Variants in KCNN2 observed in about 807,000 individuals in gnomAD.
The protein encoded by KCNN2 is potassium calcium-activated channel subfamily N member 2.
In KCNN2, 24 loss-of-function variants were observed where a neutral mutation model predicts 55.5. The ratio of observed to expected loss-of-function variants is 0.43; its 90% confidence interval spans 0.31 to 0.61. The LOEUF (loss-of-function observed/expected upper bound fraction) is 0.61. KCNN2 is among the 20% of genes least tolerant of loss of function. KCNN2 has a pLI of 0.08. For missense variants in KCNN2, 754 were observed against 853.6 expected (o/e 0.88, Z 1.45); for synonymous variants, 431 against 336.1 (o/e 1.28, Z -3.09).
At chr5:114,494,260 T>C (rs534403138) in intron 7 of KCNN2, among the ~76,000 whole-genome samples, 1 of 3,114 alleles carries the variant, frequency 3.2e-4, no homozygotes, top group African/African-American at 3.3e-4. Flanking sequence ...TTACAAACTG[T>C]TTTTTTTTGT....
chr5:114,228,226 T>C (rs944506648), intron 2 of KCNN2, among the ~76,000 whole-genome samples: 6 of 152,124 alleles, frequency 3.9e-5, no homozygotes, highest in African/African-American at 1.4e-4. Context: ...AAGTAGTAAA[T>C]ATAGACTCCC....
intron 1 of KCNN2, among the ~76,000 whole-genome samples, chr5:114,127,813 T>TA (rs1751970319): frequency 6.6e-6 from 1 of 152,210 alleles, no homozygotes; most frequent in South Asian, 2.1e-4. Flanking sequence ...TTCCACCAGA[T>TA]ACTCTAAATC....
rs565262285 is a variant in KCNN2, at chr5:114,173,285, CTATG to C, written c.-270-48193_-270-48190del. ...GGGTTCTCTATTCGGTTCCATTGAT[CTATG>C]TGTCTGTTTTTATGACAGTGCCATG... On this transcript the variant is annotated intron_variant, in intron 1 of 10. Coordinates refer to the KCNN2 transcript ENST00000512097. Among the ~76,000 whole-genome samples, 6 of 152,104 alleles carry C rather than the reference CTATG, an allele frequency of 3.9e-5. No individual in the cohort carries two copies. The Middle Eastern group carries it at 0.01, about 259-fold the overall frequency.
At chr5:114,209,460 G>A (rs1580620976) in intron 1 of KCNN2, among the ~76,000 whole-genome samples, 2 of 152,014 alleles carry the variant, frequency 1.3e-5, no homozygotes, top group South Asian at 4.2e-4. Flanking sequence ...CTTTCTCCAG[G>A]AAAATAAAAT....
chr5:114,272,318 ATATG>A (rs1239597443), intron 2 of KCNN2, among the ~76,000 whole-genome samples: 4 of 150,300 alleles, frequency 2.7e-5, no homozygotes, highest in Non-Finnish European at 5.9e-5. Context: ...ACACACACAT[ATATG>A]TATGTACATA....
At chr5:114,158,571 T>G (rs1339705936) in intron 1 of KCNN2, among the ~76,000 whole-genome samples, 1 of 152,022 alleles carries the variant, frequency 6.6e-6, no homozygotes, top group African/African-American at 2.4e-5. Context: ...GGGATGGCAT[T>G]GAATCTATAA....
At chr5:114,324,116 G>A (rs574755481) in intron 2 of KCNN2, among the ~76,000 whole-genome samples, 2 of 152,212 alleles carry the variant, frequency 1.3e-5, no homozygotes, top group South Asian at 2.1e-4. Flanking sequence ...TTGTTAATTT[G>A]ACCATTTTTT....
At position 114,295,825 on chromosome 5, in the gene KCNN2, C is replaced by T. The variant is rs559910429; in HGVS notation, c.-184-65120C>T. On this transcript the variant is annotated intron_variant, in intron 2 of 10. Coordinates refer to the KCNN2 transcript ENST00000512097. ...CTGGGAGCTGTAGACTGGAGCTGTT[C>T]CTATTTGGCCATCTTGGCTCCACCA... 2.3e-3 allele frequency among the ~76,000 whole-genome samples: 349 copies of T among 152,242 alleles called. 1 individual carries two copies. The highest frequency in any genetic ancestry group is 7.9e-3 in the African/African-American group (329 of 41,528).
intron 2 of KCNN2, among the ~76,000 whole-genome samples, chr5:114,370,602 CAT>C (rs1757734689): frequency 6.6e-6 from 1 of 151,942 alleles, no homozygotes; most frequent in South Asian, 2.1e-4. Context: ...TAAACTGAGA[CAT>C]AAAGGGAAAG....
At chr5:114,137,000 C>A (rs1354357643) in intron 1 of KCNN2, among the ~76,000 whole-genome samples, 1 of 152,188 alleles carries the variant, frequency 6.6e-6, no homozygotes, top group African/African-American at 2.4e-5. Flanking sequence ...CCACATTTAA[C>A]CACCATATTG....
intron 3 of KCNN2, among the ~76,000 whole-genome samples, chr5:114,409,457 A>C (rs1173183530): frequency 6.6e-6 from 1 of 152,188 alleles, no homozygotes; most frequent in Non-Finnish European, 1.5e-5. Context: ...ACAATACTAA[A>C]TATAACACAC....
intron 3 of KCNN2, among the ~76,000 whole-genome samples, chr5:114,433,295 GTATC>G (rs972690223): frequency 6.6e-6 from 1 of 152,142 alleles, no homozygotes; most frequent in Non-Finnish European, 1.5e-5. Flanking sequence ...AATCGACACT[GTATC>G]TAGCTACTCT....
chr5:114,342,897 C>T (rs868557556), intron 2 of KCNN2, among the ~76,000 whole-genome samples: 1 of 152,138 alleles, frequency 6.6e-6, no homozygotes, highest in African/African-American at 2.4e-5. Flanking sequence ...GATGTGTAGG[C>T]TTGTTACATA....
At chr5:114,083,603 G>C (rs979004738) in intron 1 of KCNN2, among the ~76,000 whole-genome samples, 1 of 151,868 alleles carries the variant, frequency 6.6e-6, no homozygotes, top group Admixed American at 6.6e-5. Flanking sequence ...CATGTACCTC[G>C]TCTCTCTCTT....
chr5:114,094,050 A>AT (rs1751204937), intron 1 of KCNN2, among the ~76,000 whole-genome samples: 1 of 152,218 alleles, frequency 6.6e-6, no homozygotes, highest in South Asian at 2.1e-4. Context: ...GCCAAGTAAC[A>AT]TGCTACTTAA....
intron 1 of KCNN2, among the ~76,000 whole-genome samples, chr5:114,119,813 C>T (rs1038411775): frequency 5.9e-5 from 9 of 152,052 alleles, no homozygotes; most frequent in Admixed American, 1.3e-4. Context: ...GTGACTATAG[C>T]CCAAAGGTTC....
At chr5:114,229,375 C>T (rs1221460131) in intron 2 of KCNN2, among the ~76,000 whole-genome samples, 1 of 151,606 alleles carries the variant, frequency 6.6e-6, no homozygotes. Context: ...ATAATTATAT[C>T]TCCCCTGGCC....
chr5:114,272,259 C>T (rs974733615), intron 2 of KCNN2, among the ~76,000 whole-genome samples: 5 of 151,812 alleles, frequency 3.3e-5, no homozygotes, highest in African/African-American at 9.7e-5. Flanking sequence ...CATATACACA[C>T]ATATATGTAT....
chr5:114,490,845 G>A (rs1747810111), intron 6 of KCNN2: 1 of 396,748 alleles, frequency 2.5e-6, no homozygotes, highest in South Asian at 1.3e-4. Flanking sequence ...CCTGTGATAA[G>A]TGAAGTTCAC....
Sources: allele counts gnomAD v4.1 joint callset (sites outside exome capture counted in the v4.1 genomes callset), GRCh38; gene constraint gnomAD v4.1.1; transcripts MANE v1.5; gene names NCBI Gene and HGNC (gene_info 2026-07-23, HGNC 2026-07-21).